The following GALNTL6 variants were observed in gnomAD, a reference collection of about 807,000 sequenced individuals.
GALNTL6 encodes the protein polypeptide N-acetylgalactosaminyltransferase-like 6.
A neutral mutation model predicts 73.7 loss-of-function variants in GALNTL6; 46 were observed. The observed-to-expected ratio is 0.62, with a 90% CI of 0.49 to 0.80. GALNTL6 has a LOEUF of 0.80. Among genes scored for constraint, GALNTL6 ranks in the 30% least tolerant of loss-of-function variants. GALNTL6 has a pLI of 0.00. For synonymous variants in GALNTL6, 259 were observed against 263.7 expected (o/e 0.98, Z 0.17); for missense variants, 604 against 755.0 (o/e 0.80, Z 2.34).
intron 2 of GALNTL6, among the ~76,000 whole-genome samples, chr4:172,002,500 C>G (rs1740709439): frequency 6.6e-6 from 1 of 152,024 alleles, no homozygotes; most frequent in Non-Finnish European, 1.5e-5. Flanking sequence ...GCCACAAAGT[C>G]TATGATATTT....
intron 5 of GALNTL6, among the ~76,000 whole-genome samples, chr4:172,597,246 G>A (rs1478256077): frequency 1.3e-5 from 2 of 152,034 alleles, no homozygotes; most frequent in African/African-American, 2.4e-5. Context: ...TCAGTTCTCT[G>A]CACGCCCTAT....
chr4:172,291,445 T>C (rs1739467165), intron 3 of GALNTL6, among the ~76,000 whole-genome samples: 1 of 152,158 alleles, frequency 6.6e-6, no homozygotes, highest in Non-Finnish European at 1.5e-5. Context: ...TACTTAAAGA[T>C]TTTTAAAGGC....
intron 11 of GALNTL6, among the ~76,000 whole-genome samples, chr4:173,016,388 G>A (rs1752783600): frequency 1.3e-5 from 2 of 152,264 alleles, no homozygotes; most frequent in African/African-American, 2.4e-5. Context: ...GCCTGCGAAA[G>A]CAGCTGGGAG....
At chr4:172,586,664 T>A (rs1039096097) in intron 5 of GALNTL6, among the ~76,000 whole-genome samples, 2 of 152,226 alleles carry the variant, frequency 1.3e-5, no homozygotes, top group Admixed American at 6.5e-5. Context: ...AACTTTCTAA[T>A]TCATTCTAAA....
At chr4:171,921,877 A>G (rs1051834802) in intron 2 of GALNTL6, among the ~76,000 whole-genome samples, 7 of 152,074 alleles carry the variant, frequency 4.6e-5, no homozygotes, top group African/African-American at 9.7e-5. Flanking sequence ...TCCAAACTCT[A>G]TATTTGCTTA....
At chr4:171,934,544 C>A (rs574358422) in intron 2 of GALNTL6, among the ~76,000 whole-genome samples, 138 of 152,120 alleles carry the variant, frequency 9.1e-4, no homozygotes, top group Non-Finnish European at 1.6e-3. Flanking sequence ...CTCCCAAGTA[C>A]CTGGGACTAC....
At chr4:172,106,937 G>A (rs1234412119) in intron 2 of GALNTL6, among the ~76,000 whole-genome samples, 1 of 152,162 alleles carries the variant, frequency 6.6e-6, no homozygotes, top group African/African-American at 2.4e-5. Context: ...GCCATGGCAC[G>A]ATCTTGGCTC....
Position 172,459,368 on chromosome 4 carries a change from A to G in GALNTL6, c.553+110679A>G, listed in dbSNP as rs200830226. The stretch of plus-strand genomic sequence containing the variant: ...AGTATTGGATGTTCTGGCCAGGGCA[A>G]TCAAACAAGAGAAAGAAATAAAGCG... On this transcript the variant is annotated intron_variant, in intron 5 of 12. Coordinates refer to ENST00000506823, the MANE Select transcript of GALNTL6 (RefSeq NM_001034845.3). Among the ~76,000 whole-genome samples the G allele has an allele frequency of 1.4e-3, 207 of 152,338 alleles. 5 individuals are homozygous for G. In the South Asian group the frequency reaches 0.034, roughly 25 times the overall value.
At chr4:172,404,153 C>T (rs1744133231) in intron 5 of GALNTL6, among the ~76,000 whole-genome samples, 1 of 151,870 alleles carries the variant, frequency 6.6e-6, no homozygotes, top group South Asian at 2.1e-4. Context: ...CCCTAAATGC[C>T]TTAAAATAAG....
intron 12 of GALNTL6, among the ~76,000 whole-genome samples, chr4:173,022,090 A>AAGGAAAGAAGGAAGGAAGGAAAGAAG: frequency 1.5e-5 from 1 of 66,256 alleles, no homozygotes; most frequent in Admixed American, 1.5e-4. Flanking sequence ...AAGGAAGGAA[A>AAGGAAAGAAGGAAGGAAGGAAAGAAG]GAAGGAAGGA....
chr4:173,017,308 C>T (rs1752822567), intron 11 of GALNTL6, among the ~76,000 whole-genome samples: 1 of 152,080 alleles, frequency 6.6e-6, no homozygotes, highest in African/African-American at 2.4e-5. Flanking sequence ...GAAAAGAAAT[C>T]AAGGGTTATT....
At chr4:172,283,531 A>G (rs1418108394) in intron 3 of GALNTL6, among the ~76,000 whole-genome samples, 1 of 152,140 alleles carries the variant, frequency 6.6e-6, no homozygotes, top group Non-Finnish European at 1.5e-5. Flanking sequence ...ATTTTCCTAA[A>G]CAGAAGGATG....
At chr4:172,451,891 G>A (rs757340406) in intron 5 of GALNTL6, among the ~76,000 whole-genome samples, 1 of 152,068 alleles carries the variant, frequency 6.6e-6, no homozygotes, top group Non-Finnish European at 1.5e-5. Context: ...TGCACCTGTA[G>A]TCCTAGCTGC....
chr4:172,601,868 A>T (rs181875159), intron 5 of GALNTL6, among the ~76,000 whole-genome samples: 2 of 151,594 alleles, frequency 1.3e-5, no homozygotes, highest in African/African-American at 4.9e-5. Context: ...GTTAAAGCAA[A>T]AATCCAAGAA....
chr4:171,992,958 C>T (rs544070284), intron 2 of GALNTL6, among the ~76,000 whole-genome samples: 1 of 152,072 alleles, frequency 6.6e-6, no homozygotes, highest in African/African-American at 2.4e-5. Flanking sequence ...TTTTTCCAAG[C>T]TCATGCTAAA....
intron 3 of GALNTL6, among the ~76,000 whole-genome samples, chr4:172,275,936 A>G (rs1738815863): frequency 6.6e-6 from 1 of 152,244 alleles, no homozygotes; most frequent in Non-Finnish European, 1.5e-5. Context: ...CAGCCAGGAC[A>G]ACACAGTGAG....
intron 8 of GALNTL6, among the ~76,000 whole-genome samples, chr4:172,897,836 G>A (rs1746410027): frequency 6.6e-6 from 1 of 152,174 alleles, no homozygotes; most frequent in Non-Finnish European, 1.5e-5. Context: ...TTTTGGTGAT[G>A]TTGCTCCTCC....
chr4:172,302,260 T>C (rs1218883646), intron 3 of GALNTL6, among the ~76,000 whole-genome samples: 1 of 152,258 alleles, frequency 6.6e-6, no homozygotes, highest in East Asian at 1.9e-4. Flanking sequence ...TTCCAGGTGC[T>C]GTCTGTCACC....
intron 5 of GALNTL6, among the ~76,000 whole-genome samples, chr4:172,491,026 C>A (rs1452131082): frequency 1.5e-5 from 1 of 65,332 alleles, no homozygotes; most frequent in Admixed American, 2.1e-4. Flanking sequence ...CTTATGTTGT[C>A]AAAAACAAAG....
Sources: gnomAD v4.1 joint callset for allele counts (sites outside exome capture counted in the v4.1 genomes callset) on GRCh38, gnomAD v4.1.1 for gene constraint, MANE v1.5 for transcripts, NCBI Gene and HGNC (gene_info 2026-07-23, HGNC 2026-07-21) for gene names.